Variants in ARAP1 observed in about 807,000 individuals in gnomAD.
The protein encoded by ARAP1 is ArfGAP with RhoGAP domain, ankyrin repeat and PH domain 1.
A neutral mutation model predicts 172.2 loss-of-function variants in ARAP1; 76 were observed. The observed-to-expected ratio is 0.44, with a 90% CI of 0.37 to 0.53. The LOEUF is 0.53. Ranked by LOEUF, ARAP1 falls within the 20% of genes least tolerant of loss-of-function variation. ARAP1 has a pLI of 0.00. For synonymous variants in ARAP1, 804 were observed against 803.3 expected, an observed-to-expected ratio of 1.00 and a Z score of -0.01; for missense variants, 1,686 against 1,977.5, an observed-to-expected ratio of 0.85 and a Z score of 2.80.
At position 72,741,421 on chromosome 11, in the gene ARAP1, C is replaced by A. The variant is rs956127090; in HGVS notation, c.-127-8824G>T. The stretch of plus-strand genomic sequence containing the variant: ...AAAGGTGACTCAACCAGCCCCACAC[C>A]TACAGAGACCTGGGGCGCTCCCACC... On this transcript the variant is annotated intron_variant, in intron 1 of 34. Coordinates refer to ENST00000393609, the MANE Select transcript of ARAP1 (RefSeq NM_001040118.3). The surrounding 1 kb of genome is among the most constrained non-coding windows in gnomAD (Gnocchi z 4.5). 6.6e-6 allele frequency among the ~76,000 whole-genome samples: 1 copy of A among 152,152 alleles called. No individual in the cohort carries two copies. Among genetic ancestry groups the A allele is most frequent in the Non-Finnish European group, 1.5e-5 (1 of 68,016 alleles).
At chr11:72,701,544 G>A in intron 16 of ARAP1, 105 bp downstream of exon 16, 1 of 1,465,232 alleles carries the variant, frequency 6.8e-7, no homozygotes, top group South Asian at 1.3e-5. Context: ...AAGCCCTCTA[G>A]GGTGACTCTG....
At chr11:72,721,442 A>C (rs1857505680) in intron 3 of ARAP1, among the ~76,000 whole-genome samples, 1 of 152,166 alleles carries the variant, frequency 6.6e-6, no homozygotes, top group Non-Finnish European at 1.5e-5. Flanking sequence ...ACGAATCCCC[A>C]GAGGGGTGTA....
At chr11:72,713,502 A>AG (rs1335421947) in intron 4 of ARAP1, among the ~76,000 whole-genome samples, 1 of 152,208 alleles carries the variant, frequency 6.6e-6, no homozygotes, top group East Asian at 1.9e-4. Context: ...GGTTGGGGTA[A>AG]GGACTGTCAA....
At chr11:72,706,673 G>A (rs1238965612) in intron 12 of ARAP1, among the ~76,000 whole-genome samples, 1 of 152,110 alleles carries the variant, frequency 6.6e-6, no homozygotes, top group Non-Finnish European at 1.5e-5. Flanking sequence ...GGATCCTATG[G>A]CAGCCTCCTC....
At chr11:72,687,658 C>G in intron 32 of ARAP1, 30 bp downstream of exon 32, 1 of 1,614,180 alleles carries the variant, frequency 6.2e-7, no homozygotes, top group Non-Finnish European at 8.5e-7. Flanking sequence ...TTTCCTCAGC[C>G]TGGGATCTCA....
Position 72,695,200 on chromosome 11 carries a change from T to C in ARAP1, c.3577-103A>G, listed in dbSNP as rs1352513306. 7.2e-7 allele frequency: 1 copy of C among 1,390,734 alleles called. No individual in the cohort carries two copies. The highest frequency in any genetic ancestry group is 1.0e-6 in the Non-Finnish European group (1 of 994,204). The allele number at this position is 1,390,734 out of a possible 1,614,324, so 86.1% of individuals were successfully genotyped here. On this transcript the variant is annotated intron_variant, in intron 26 of 34. Transcript: ENST00000393609. This position sits in a 1 kb window ranked among gnomAD's most constrained non-coding sequence, Gnocchi z 4.4. Reference sequence around the variant, plus strand: ...CCTGAGCCCATCCTTCTCAGGCCCTTCTGGAGTCCTGGGATAGAGAGGGGT... The same window carrying C: ...CCTGAGCCCATCCTTCTCAGGCCCTCCTGGAGTCCTGGGATAGAGAGGGGT...
At position 72,686,077 on chromosome 11, in the gene ARAP1, G is replaced by A. The variant is rs557380628; in HGVS notation, c.4300C>T (p.Arg1434Trp). ...TCCGCGGTGAAGGCAGCCACACTCC[G>A]GCGCATTTCATTTTCACTACCTCGA... ...PLRGSENEMR[R>W]SVAAFTADPL... Residue 1434 changes from arginine (R) to tryptophan (W), a missense_variant, in exon 34 of 35, where the codon CGG (arginine) becomes TGG (tryptophan). Physicochemically the swap from Arg to Trp is moderately radical, Grantham distance 101. This residue lies in a region of ARAP1 where 379 missense variants were observed against 500.1 expected (regional missense o/e 0.76). Transcript: ENST00000393609. 59 of 1,614,072 alleles carry A rather than the reference G, an allele frequency of 3.7e-5. 1 individual carries two copies. The South Asian group carries it at 4.5e-4, about 12-fold the overall frequency.
chr11:72,736,506 C>T lies in ARAP1; in HGVS notation c.-127-3909G>A, dbSNP rs542658773. On this transcript the variant is annotated intron_variant, in intron 1 of 34. Transcript: ENST00000393609. ...AAGCCCTAGTTTGGAGGTTTAAGCC[C>T]CTCAGCTGCTATGACACATCACTGA... is the stretch of plus-strand genomic sequence containing the variant. Among the ~76,000 whole-genome samples, 24 of 152,234 alleles carry T rather than the reference C, an allele frequency of 1.6e-4. No individual in the cohort carries two copies. The East Asian group carries it at 4.0e-3, about 26-fold the overall frequency.
rs976076755 is a variant in ARAP1, at chr11:72,741,395, G to A, written c.-127-8798C>T. ...GCCTAGCTCAGGCCCTTCCCACTTAGAAAGGTGACTCAACCAGCCCCACAC... is the reference window on the plus strand; with the variant it reads ...GCCTAGCTCAGGCCCTTCCCACTTAAAAAGGTGACTCAACCAGCCCCACAC... On this transcript the variant is annotated intron_variant, in intron 1 of 34. Coordinates refer to ENST00000393609, the MANE Select transcript of ARAP1 (RefSeq NM_001040118.3). The surrounding 1 kb of genome is among the most constrained non-coding windows in gnomAD (Gnocchi z 4.5). Among the ~76,000 whole-genome samples, 1 of 152,142 alleles carries A rather than the reference G, an allele frequency of 6.6e-6. No individual in the cohort carries two copies. The highest frequency in any genetic ancestry group is 1.5e-5 in the Non-Finnish European group (1 of 68,010).
Position 72,726,683 on chromosome 11 carries a change from T to C in ARAP1, c.446A>G (p.His149Arg). 6.5e-7 allele frequency: 1 copy of C among 1,540,478 alleles called. No homozygotes were observed. Among genetic ancestry groups the C allele is most frequent in the African/African-American group, 1.4e-5 (1 of 72,402 alleles). The change falls in exon 3 of 35, where the codon CAT becomes CGT. Residue 149 changes from histidine (H) to arginine (R), a missense_variant. By Grantham distance (29) the His-to-Arg change is conservative. Around this residue, in one of 5 missense-constraint regions of ARAP1, gnomAD observed 190 missense variants for 228.6 expected, o/e 0.83. Transcript: ENST00000393609. The surrounding 1 kb of genome is among the most constrained non-coding windows in gnomAD (Gnocchi z 6.5). ...PVLPPLPAKRHLAELSVPPVP... is the reference protein window; with the variant it reads ...PVLPPLPAKRRLAELSVPPVP... ...GGGTGGAACGCTCAGCTCTGCCAAA[T>C]GCCGCTTAGCAGGCAGCGGGGGCAG...
Position 72,697,266 on chromosome 11 carries a change from G to A in ARAP1, c.2953+57C>T. ...CATGGGGCGGGGCCGCGCAGCTCTG[G>A]GGCGGGAGGCGGCTCTCCGGGAGGG... On this transcript the variant is annotated intron_variant, in intron 21 of 34. Transcript: ENST00000393609. 7 of 1,589,748 alleles carry A rather than the reference G, an allele frequency of 4.4e-6. 1 individual carries two copies. The South Asian group carries it at 7.8e-5, about 18-fold the overall frequency.
At chr11:72,694,188 G>A (rs1001367237) in intron 27 of ARAP1, among the ~76,000 whole-genome samples, 3 of 151,398 alleles carry the variant, frequency 2.0e-5, no homozygotes, top group Non-Finnish European at 4.4e-5. Flanking sequence ...TATCTCCACT[G>A]CTGCCACCCC....
intron 3 of ARAP1, among the ~76,000 whole-genome samples, chr11:72,722,620 G>GGGATT (rs1857561813): frequency 6.6e-6 from 1 of 152,236 alleles, no homozygotes; most frequent in African/African-American, 2.4e-5. Context: ...AGGAAGACCA[G>GGGATT]GGATTGGCTG....
intron 1 of ARAP1, among the ~76,000 whole-genome samples, chr11:72,742,207 T>C (rs1591249447): frequency 6.6e-6 from 1 of 152,068 alleles, no homozygotes. Flanking sequence ...TGACTCAGTC[T>C]CCCTCTCGAT....
In ARAP1 at chr11:72,725,357, T is replaced by C. The variant is rs1344967034; in HGVS notation, c.509+1263A>G. ...CTCTCCCCCCCACAAGCTGATGGGG[T>C]TGAAATAGAAAACGCTCCTGCATGC... On this transcript the variant is annotated intron_variant, in intron 3 of 34. Transcript: ENST00000393609. The surrounding 1 kb of genome is among the most constrained non-coding windows in gnomAD (Gnocchi z 4.3). Among the ~76,000 whole-genome samples the C allele has an allele frequency of 2.7e-5, 4 of 150,236 alleles. No homozygotes were observed. The highest frequency in any genetic ancestry group is 4.5e-5 in the Non-Finnish European group (3 of 67,352).
At chr11:72,700,840 C>T (rs1856451384) in intron 16 of ARAP1, among the ~76,000 whole-genome samples, 1 of 152,202 alleles carries the variant, frequency 6.6e-6, no homozygotes, top group Admixed American at 6.5e-5. Flanking sequence ...CCCATCTCTA[C>T]TAACTAAATT....
intron 16 of ARAP1, among the ~76,000 whole-genome samples, chr11:72,701,146 G>C (rs1380569068): frequency 6.6e-6 from 1 of 152,114 alleles, no homozygotes; most frequent in African/African-American, 2.4e-5. Context: ...CAGGCAGAGG[G>C]AACAGCACAG....
In ARAP1 at chr11:72,687,419, C is replaced by T; in HGVS notation, c.4185+20G>A. ...AGCCTCCAGGGACCCACCCCACACC[C>T]CACACTCTGCACCTGGTACCTGCAC... is the stretch of plus-strand genomic sequence containing the variant. On this transcript the variant is annotated intron_variant, in intron 33 of 34. Transcript: ENST00000393609. 1 of 1,614,212 alleles carries T rather than the reference C, an allele frequency of 6.2e-7. No individual in the cohort carries two copies. The highest frequency in any genetic ancestry group is 8.5e-7 in the Non-Finnish European group (1 of 1,180,036).
In ARAP1 at chr11:72,695,240, CT is replaced by C; in HGVS notation, c.3577-144del. The C allele has an allele frequency of 7.4e-7, 1 of 1,347,990 alleles. No homozygotes were observed. The highest frequency in any genetic ancestry group is 1.3e-5 in the South Asian group (1 of 78,976). The allele number at this position is 1,347,990 out of a possible 1,614,324, so 83.5% of individuals were successfully genotyped here. A position where few individuals can be genotyped will look rare whatever the true frequency, so the allele number is the denominator to read the frequency against. ...TAGAGAGGGGTATTTCTGAGTGGTC[CT>C]TAGGAGCAGACCCCAGCACCAGCCA... On this transcript the variant is annotated intron_variant, in intron 26 of 34. Transcript: ENST00000393609. This position sits in a 1 kb window ranked among gnomAD's most constrained non-coding sequence, Gnocchi z 4.4.
Sources: allele counts gnomAD v4.1 joint callset (sites outside exome capture counted in the v4.1 genomes callset), GRCh38; gene constraint gnomAD v4.1.1; regional missense constraint gnomAD v4.1.1; non-coding constraint Gnocchi (gnomAD v3.1); transcripts MANE v1.5; gene names NCBI Gene and HGNC (gene_info 2026-07-23, HGNC 2026-07-21).